SLC14A2: variants seen among roughly 807,000 people sequenced by gnomAD.
SLC14A2 encodes urea transporter 2.
A neutral mutation model predicts 104.6 loss-of-function variants in SLC14A2; 91 were observed. The observed-to-expected ratio is 0.87, with a 90% confidence interval of 0.73 to 1.04. The LOEUF is 1.04. Ranked by LOEUF, SLC14A2 falls within the 50% of genes least tolerant of loss-of-function variation. The pLI is 0.00. For missense variants in SLC14A2, 1,189 were observed against 1,156.0 expected (o/e 1.03, Z -0.41); for synonymous variants, 476 against 466.4 (o/e 1.02, Z -0.27).
At chr18:45,450,227 G>T (rs2086836332) in intron 1 of SLC14A2, among the ~76,000 whole-genome samples, 1 of 152,190 alleles carries the variant, frequency 6.6e-6, no homozygotes, top group African/African-American at 2.4e-5. Flanking sequence ...CCAAACTGCT[G>T]ATCTAGCCTC....
At chr18:45,177,815 T>G in the SLC14A2 span, among the ~76,000 whole-genome samples, 2 of 152,214 alleles carry the variant, frequency 1.3e-5, no homozygotes, top group Non-Finnish European at 2.9e-5. Flanking sequence ...TCATAGTTAC[T>G]AAATAGCCAT....
At chr18:45,609,763 C>G (rs2044940337) in intron 2 of SLC14A2, among the ~76,000 whole-genome samples, 1 of 152,184 alleles carries the variant, frequency 6.6e-6, no homozygotes, top group Non-Finnish European at 1.5e-5. Context: ...AAGTGATACA[C>G]TTTTATTTCT....
At chr18:45,233,008 C>G (rs1261190326) in intron 1 of SLC14A2, among the ~76,000 whole-genome samples, 1 of 152,220 alleles carries the variant, frequency 6.6e-6, no homozygotes, top group African/African-American at 2.4e-5. Context: ...ATTTTTACCA[C>G]TTGAATCTCA....
chr18:45,274,962 G>C (rs1221850299), intron 1 of SLC14A2, among the ~76,000 whole-genome samples: 1 of 152,198 alleles, frequency 6.6e-6, no homozygotes, highest in African/African-American at 2.4e-5. Context: ...AGAAGCTGTA[G>C]AGATGCGTTG....
At chr18:45,171,019 C>T in the SLC14A2 span, among the ~76,000 whole-genome samples, 1 of 151,850 alleles carries the variant, frequency 6.6e-6, no homozygotes, top group Non-Finnish European at 1.5e-5. Context: ...AATGTAAGTA[C>T]ACATGGAATG....
At chr18:45,387,689 C>T (rs931876779) in intron 1 of SLC14A2, among the ~76,000 whole-genome samples, 6 of 152,118 alleles carry the variant, frequency 3.9e-5, no homozygotes, top group Non-Finnish European at 8.8e-5. Flanking sequence ...GGGACAGGGT[C>T]GAACTTTATT....
intron 1 of SLC14A2, among the ~76,000 whole-genome samples, chr18:45,472,309 C>T (rs190484949): frequency 1.6e-4 from 24 of 152,288 alleles, no homozygotes; most frequent in African/African-American, 5.8e-4. Flanking sequence ...CAAGTCTTTG[C>T]TATTGTGGAT....
At chr18:45,311,515 T>C (rs192724338) in intron 1 of SLC14A2, among the ~76,000 whole-genome samples, 60 of 152,304 alleles carry the variant, frequency 3.9e-4, no homozygotes, top group African/African-American at 1.4e-3. Flanking sequence ...CTGACCACCA[T>C]ACTCTACTCC....
chr18:45,662,056 G>T (rs1476516667), intron 10 of SLC14A2, among the ~76,000 whole-genome samples: 1 of 152,202 alleles, frequency 6.6e-6, no homozygotes, highest in African/African-American at 2.4e-5. Context: ...TGTACTCCCA[G>T]CACTTTGGGA....
Position 45,582,313 on chromosome 18 carries a change from G to T in SLC14A2, c.-34-42318G>T, listed in dbSNP as rs116278003. On this transcript the variant is annotated intron_variant, in intron 2 of 20. Transcript: ENST00000586448. Reference sequence around the variant, plus strand: ...GTTACAAATTAATAAAATGATATTGGGCTAGAGATGCTAGGAAATGTGCAA... The same window carrying T: ...GTTACAAATTAATAAAATGATATTGTGCTAGAGATGCTAGGAAATGTGCAA... Among the ~76,000 whole-genome samples, 974 of 152,194 alleles carry T rather than the reference G, an allele frequency of 6.4e-3. 10 individuals carry two copies. Among genetic ancestry groups the T allele is most frequent in the African/African-American group, 0.022 (910 of 41,516 alleles).
chr18:45,615,764 C>T (rs1044729420), intron 1 of SLC14A2, among the ~76,000 whole-genome samples, 182 bp downstream of exon 1: 1 of 151,768 alleles, frequency 6.6e-6, no homozygotes, highest in African/African-American at 2.4e-5. Flanking sequence ...AGAGCCACCT[C>T]GGGGCAGCTT....
intron 2 of SLC14A2, among the ~76,000 whole-genome samples, chr18:45,536,726 CA>C (rs1221472050): frequency 6.6e-6 from 1 of 151,908 alleles, no homozygotes; most frequent in Non-Finnish European, 1.5e-5. Context: ...CATGACAAAG[CA>C]AAAAAAGCTG....
At chr18:45,535,972 T>C (rs930789607) in intron 2 of SLC14A2, among the ~76,000 whole-genome samples, 13 of 152,210 alleles carry the variant, frequency 8.5e-5, no homozygotes, top group Non-Finnish European at 1.6e-4. Flanking sequence ...ATAGATGAGA[T>C]GGACTGTCAA....
chr18:45,346,331 A>G (rs2085447567), intron 1 of SLC14A2, among the ~76,000 whole-genome samples: 1 of 152,032 alleles, frequency 6.6e-6, no homozygotes, highest in South Asian at 2.1e-4. Context: ...AATTTTTGGT[A>G]TTTTTAGTAG....
intron 1 of SLC14A2, among the ~76,000 whole-genome samples, chr18:45,233,919 G>A (rs1841857109): frequency 6.6e-6 from 1 of 151,464 alleles, no homozygotes; most frequent in East Asian, 1.9e-4. Flanking sequence ...AGTGAGTTTA[G>A]AGCTACCTAT....
chr18:45,279,516 C>T (rs2084739598), intron 1 of SLC14A2, among the ~76,000 whole-genome samples: 1 of 152,018 alleles, frequency 6.6e-6, no homozygotes, highest in African/African-American at 2.4e-5. Flanking sequence ...TCCATGTGAT[C>T]ATCTACTACT....
intron 10 of SLC14A2, among the ~76,000 whole-genome samples, chr18:45,648,440 C>T (rs2045665021): frequency 2.0e-5 from 3 of 152,014 alleles, no homozygotes; most frequent in Non-Finnish European, 2.9e-5. Flanking sequence ...CTCCTGACCT[C>T]GTGATTCGCC....
chr18:45,678,718 G>A (rs535330873), intron 18 of SLC14A2, among the ~76,000 whole-genome samples: 17 of 152,200 alleles, frequency 1.1e-4, no homozygotes, highest in African/African-American at 1.7e-4. Context: ...GCAAGGTGGT[G>A]GGACCCAAGA....
intron 1 of SLC14A2, among the ~76,000 whole-genome samples, chr18:45,367,796 G>A (rs2085681485): frequency 6.6e-6 from 1 of 152,054 alleles, no homozygotes; most frequent in Non-Finnish European, 1.5e-5. Context: ...TTCCTTCCCA[G>A]GGCTCTGTTT....
Sources: allele counts gnomAD v4.1 joint callset (sites outside exome capture counted in the v4.1 genomes callset), GRCh38; gene constraint gnomAD v4.1.1; transcripts MANE v1.5; gene names NCBI Gene and HGNC (gene_info 2026-07-23, HGNC 2026-07-21).